GRID2: variants seen among roughly 807,000 people sequenced by gnomAD.
The protein encoded by GRID2 is glutamate receptor ionotropic, delta-2.
Under a neutral mutation model 114.8 loss-of-function variants are expected in GRID2, and 33 were observed. That is an observed-to-expected ratio of 0.29 (90% CI 0.22 to 0.38). The LOEUF (loss-of-function observed/expected upper bound fraction) is 0.38. Among genes scored for constraint, GRID2 ranks in the 10% least tolerant of loss-of-function variants. The pLI is 1.00. For synonymous variants in GRID2, 505 were observed against 449.9 expected, an observed-to-expected ratio of 1.12 and a Z score of -1.55; for missense variants, 1,184 against 1,257.7, an observed-to-expected ratio of 0.94 and a Z score of 0.89.
At chr4:92,545,624 G>A (rs1726210253) in intron 1 of GRID2, among the ~76,000 whole-genome samples, 1 of 152,134 alleles carries the variant, frequency 6.6e-6, no homozygotes, top group African/African-American at 2.4e-5. Context: ...GAATTTAAAA[G>A]GTTTAACATT....
At chr4:93,370,724 C>G (rs889349812) in intron 8 of GRID2, among the ~76,000 whole-genome samples, 3 of 152,060 alleles carry the variant, frequency 2.0e-5, no homozygotes, top group Admixed American at 1.3e-4. Context: ...ATCTTCATAG[C>G]TCCTTACATG....
At chr4:92,658,698 G>A (rs1328803247) in intron 2 of GRID2, among the ~76,000 whole-genome samples, 2 of 150,902 alleles carry the variant, frequency 1.3e-5, no homozygotes, top group Admixed American at 6.6e-5. Context: ...TAGCCTCAAA[G>A]CAAAAAGAAT....
At chr4:93,447,317 G>A (rs952429642) in intron 10 of GRID2, among the ~76,000 whole-genome samples, 2 of 151,870 alleles carry the variant, frequency 1.3e-5, no homozygotes, top group African/African-American at 4.8e-5. Context: ...AGCCATTAAA[G>A]CTTGAGTTAA....
At chr4:93,602,824 C>A (rs1452910635) in intron 13 of GRID2, among the ~76,000 whole-genome samples, 1 of 152,188 alleles carries the variant, frequency 6.6e-6, no homozygotes, top group Non-Finnish European at 1.5e-5. Context: ...AAAGCTAGGC[C>A]TCTTCTGTCA....
At chr4:92,698,783 T>C (rs28705386) in intron 2 of GRID2, among the ~76,000 whole-genome samples, 1 of 152,088 alleles carries the variant, frequency 6.6e-6, no homozygotes, top group African/African-American at 2.4e-5. Flanking sequence ...AAAATATGAT[T>C]AAAAAGAGAA....
At chr4:93,361,036 T>A (rs1429980594) in intron 8 of GRID2, among the ~76,000 whole-genome samples, 1 of 152,122 alleles carries the variant, frequency 6.6e-6, no homozygotes, top group Non-Finnish European at 1.5e-5. Context: ...TTATCTAATA[T>A]AACCATTGCT....
In GRID2 at chr4:93,496,006, A is replaced by T. The variant is rs528146670; in HGVS notation, c.1997+5229A>T. ...ACATGCAATTTTGCAGAAAAGTTGC[A>T]TCTCAAGGTCTACTATTCGTGGGCC... is the stretch of plus-strand genomic sequence containing the variant. On this transcript the variant is annotated intron_variant, in intron 12 of 15. Transcript: ENST00000282020. 7.2e-5 allele frequency among the ~76,000 whole-genome samples: 11 copies of T among 151,810 alleles called. No homozygotes were observed. In the South Asian group the frequency reaches 2.3e-3, roughly 31 times the overall value.
chr4:92,625,837 C>CA (rs1381441279), intron 2 of GRID2, among the ~76,000 whole-genome samples: 1 of 151,796 alleles, frequency 6.6e-6, no homozygotes, highest in Non-Finnish European at 1.5e-5. Flanking sequence ...TTGAAAAATA[C>CA]AAAAAATCAG....
chr4:92,451,090 G>A (rs777113804), intron 1 of GRID2, among the ~76,000 whole-genome samples: 96 of 151,952 alleles, frequency 6.3e-4, no homozygotes, highest in Non-Finnish European at 1.1e-3. Flanking sequence ...ATTCACTTAG[G>A]TTCTGCCCCA....
At chr4:93,717,746 G>C (rs1190820547) in intron 14 of GRID2, among the ~76,000 whole-genome samples, 1 of 151,930 alleles carries the variant, frequency 6.6e-6, no homozygotes, top group African/African-American at 2.4e-5. Context: ...AAGGTGATAC[G>C]CCTTTTATAG....
intron 14 of GRID2, among the ~76,000 whole-genome samples, chr4:93,677,461 C>G (rs529314129): frequency 6.6e-6 from 1 of 152,180 alleles, no homozygotes; most frequent in African/African-American, 2.4e-5. Flanking sequence ...GATCTGAGAA[C>G]GGGCAGACTG....
At chr4:92,408,463 T>TTTG (rs1731136393) in intron 1 of GRID2, among the ~76,000 whole-genome samples, 1 of 124,602 alleles carries the variant, frequency 8.0e-6, no homozygotes, top group African/African-American at 3.1e-5. Flanking sequence ...TTTTTTTTTT[T>TTTG]GCTGTTGTTG....
In GRID2 at chr4:92,862,430, T is replaced by C. The variant is rs566682225; in HGVS notation, c.245-222565T>C. On this transcript the variant is annotated intron_variant, in intron 2 of 15. Transcript: ENST00000282020. The stretch of plus-strand genomic sequence containing the variant: ...TTTTTTATTTTCTACAAAGTGAAAA[T>C]TGTTTTTTGTATTTGGCTTTAATAA... 7.9e-5 allele frequency among the ~76,000 whole-genome samples: 12 copies of C among 152,168 alleles called. No individual in the cohort carries two copies. In the South Asian group the frequency reaches 2.5e-3, roughly 32 times the overall value.
chr4:93,236,874 G>A (rs549942795), intron 7 of GRID2, among the ~76,000 whole-genome samples: 48 of 152,110 alleles, frequency 3.2e-4, no homozygotes, highest in Middle Eastern at 3.4e-3. Flanking sequence ...TTATGCCAAC[G>A]ATTTCTAAGA....
intron 4 of GRID2, among the ~76,000 whole-genome samples, chr4:93,127,758 A>C (rs540844645): frequency 6.6e-6 from 1 of 152,010 alleles, no homozygotes; most frequent in Non-Finnish European, 1.5e-5. Flanking sequence ...AGTTCTTGGG[A>C]GGCTGAGGCA....
chr4:93,181,686 C>G (rs111300850), intron 4 of GRID2, among the ~76,000 whole-genome samples: 35 of 152,248 alleles, frequency 2.3e-4, no homozygotes, highest in African/African-American at 7.9e-4. Flanking sequence ...GAGATGACTT[C>G]TATTATGCAC....
chr4:92,886,656 C>T (rs960770329), intron 2 of GRID2, among the ~76,000 whole-genome samples: 3 of 151,962 alleles, frequency 2.0e-5, no homozygotes, highest in Admixed American at 1.3e-4. Context: ...GACGGAGTCT[C>T]GCTCTTTCGC....
At chr4:93,704,462 T>C (rs1277673080) in intron 14 of GRID2, among the ~76,000 whole-genome samples, 1 of 152,208 alleles carries the variant, frequency 6.6e-6, no homozygotes, top group Non-Finnish European at 1.5e-5. Context: ...TTCACTCTGA[T>C]GGTAGTTTCT....
intron 2 of GRID2, among the ~76,000 whole-genome samples, chr4:92,971,365 G>A (rs755654061): frequency 6.6e-6 from 1 of 151,928 alleles, no homozygotes; most frequent in Admixed American, 6.6e-5. Context: ...TAGTTACACA[G>A]AAGTAATAAG....
Sources: allele counts gnomAD v4.1 joint callset (sites outside exome capture counted in the v4.1 genomes callset), GRCh38; gene constraint gnomAD v4.1.1; transcripts MANE v1.5; gene names NCBI Gene and HGNC (gene_info 2026-07-23, HGNC 2026-07-21).